ABCG1: variants seen among roughly 807,000 people sequenced by gnomAD.
The protein encoded by ABCG1 is ATP binding cassette subfamily G member 1.
ABCG1 carries 29 observed loss-of-function variants against 69.2 expected under a neutral mutation model. The observed-to-expected ratio is 0.42, with a 90% CI of 0.31 to 0.57. The LOEUF is 0.57. Among genes scored for constraint, ABCG1 ranks in the 20% least tolerant of loss-of-function variants. The pLI is 0.15. For synonymous variants in ABCG1, 370 were observed against 374.8 expected, an observed-to-expected ratio of 0.99 and a Z score of 0.15; for missense variants, 718 against 898.1, an observed-to-expected ratio of 0.80 and a Z score of 2.56.
chr21:42,236,020 T>C (rs546851918), intron 2 of ABCG1, among the ~76,000 whole-genome samples: 177 of 152,314 alleles, frequency 1.2e-3, no homozygotes, highest in African/African-American at 4.1e-3. Context: ...ACGTGCTGGT[T>C]TTGTTTTTAG....
At chr21:42,285,235 C>T (rs2068918218) in intron 7 of ABCG1, among the ~76,000 whole-genome samples, 1 of 152,132 alleles carries the variant, frequency 6.6e-6, no homozygotes, top group South Asian at 2.1e-4. Flanking sequence ...CAGTGGCTGT[C>T]CCCTGTAATC....
Position 42,290,128 on chromosome 21 carries a change from G to C in ABCG1, c.1303G>C (p.Glu435Gln), listed in dbSNP as rs780891600. 6.2e-7 allele frequency: 1 copy of C among 1,614,082 alleles called. No homozygotes were observed. Among genetic ancestry groups the C allele is most frequent in the Non-Finnish European group, 8.5e-7 (1 of 1,180,056 alleles). Residue 435 changes from glutamate to glutamine, a missense_variant, in exon 11 of 15, where the codon GAA becomes CAA. Physicochemically the swap from Glu to Gln is conservative, Grantham distance 29. Transcript: ENST00000398449. Reference protein sequence around the residue: ...IGLLYLGIGNEAKKVLSNSGF... With the variant: ...IGLLYLGIGNQAKKVLSNSGF... The stretch of plus-strand genomic sequence containing the variant: ...CCTGCTGTACTTGGGGATCGGGAAC[G>C]AAGCCAAGAAGGTCTTGAGCAACTC...
chr21:42,288,078 T>C lies in ABCG1; in HGVS notation c.1122+41T>C. The C allele has an allele frequency of 6.2e-7, 1 of 1,604,264 alleles. No homozygotes were observed. Among genetic ancestry groups the C allele is most frequent in the Non-Finnish European group, 8.5e-7 (1 of 1,172,450 alleles). Reference sequence around the variant, plus strand: ...CGATTAAAGGGGTTGAGAAAGGTAATGCAAATCCCGAAGCCCCCTGGGGGA... The same window carrying C: ...CGATTAAAGGGGTTGAGAAAGGTAACGCAAATCCCGAAGCCCCCTGGGGGA... On this transcript the variant is annotated intron_variant, in intron 9 of 14. Coordinates refer to ENST00000398449, the MANE Select transcript of ABCG1 (RefSeq NM_016818.3). The surrounding 1 kb of genome is among the most constrained non-coding windows in gnomAD (Gnocchi z 4.8).
Position 42,296,118 on chromosome 21 carries a change from G to A in ABCG1, c.1773-46G>A. On this transcript the variant is annotated intron_variant, in intron 14 of 14. Coordinates refer to ENST00000398449, the MANE Select transcript of ABCG1 (RefSeq NM_016818.3). The surrounding 1 kb of genome is among the most constrained non-coding windows in gnomAD (Gnocchi z 5.4). ...ACATTGACCTTCAGCCAACGGCGTG[G>A]CTGGCTGGGAGAACGTCCTCCCTCA... The A allele has an allele frequency of 6.5e-7, 1 of 1,548,812 alleles. No individual in the cohort carries two copies. The highest frequency in any genetic ancestry group is 8.9e-7 in the Non-Finnish European group (1 of 1,121,418).
chr21:42,256,057 C>T, intron 2 of ABCG1: 1 of 999,786 alleles, frequency 1.0e-6, no homozygotes, highest in Non-Finnish European at 1.3e-6. Context: ...AGTCAGGTGC[C>T]TTGACTTGGA....
intron 2 of ABCG1, among the ~76,000 whole-genome samples, chr21:42,204,480 A>G (rs963065312): frequency 9.9e-5 from 15 of 152,248 alleles, no homozygotes; most frequent in Non-Finnish European, 1.8e-4. Flanking sequence ...CTTTTTCTGC[A>G]TCAATTGGCA....
chr21:42,211,468 C>T (rs972945252), upstream of ABCG1, among the ~76,000 whole-genome samples: 1 of 152,102 alleles, frequency 6.6e-6, no homozygotes, highest in Admixed American at 6.5e-5. Flanking sequence ...CTTCCTTCCT[C>T]TCTCTGTCTC....
chr21:42,211,723 T>C (rs1175415437), upstream of ABCG1, among the ~76,000 whole-genome samples: 7 of 136,098 alleles, frequency 5.1e-5, no homozygotes, highest in Non-Finnish European at 1.1e-4. Flanking sequence ...CTACTAAAAA[T>C]ACAAAAAAAA....
At chr21:42,237,177 G>A (rs1342777575) in intron 2 of ABCG1, among the ~76,000 whole-genome samples, 1 of 152,206 alleles carries the variant, frequency 6.6e-6, no homozygotes, top group Non-Finnish European at 1.5e-5. Context: ...TCCCAGGGGC[G>A]TTCTGTGCTT....
chr21:42,277,019 G>A (rs941532888), intron 5 of ABCG1, 74 bp downstream of exon 5: 9 of 1,485,360 alleles, frequency 6.1e-6, no homozygotes, highest in Admixed American at 3.4e-5. Flanking sequence ...TGCCTGCCGG[G>A]GCATTTTGGC....
chr21:42,243,868 G>T, intron 2 of ABCG1, among the ~76,000 whole-genome samples: 1 of 142,816 alleles, frequency 7.0e-6, no homozygotes, highest in East Asian at 2.0e-4. Context: ...GCCCAGGCTG[G>T]AGTGCAGTGG....
In ABCG1 at chr21:42,288,861, G is replaced by C. The variant is rs2069000988; in HGVS notation, c.1224+549G>C. Among the ~76,000 whole-genome samples, 1 of 152,208 alleles carries C rather than the reference G, an allele frequency of 6.6e-6. No individual in the cohort carries two copies. The highest frequency in any genetic ancestry group is 2.4e-5 in the African/African-American group (1 of 41,442). The stretch of plus-strand genomic sequence containing the variant: ...GTTTAATTGGCTCATTGTTCTGCAG[G>C]CTGTGTAAGAAGCATGGCCGGGGAG... On this transcript the variant is annotated intron_variant, in intron 10 of 14. Transcript: ENST00000398449. This position sits in a 1 kb window ranked among gnomAD's most constrained non-coding sequence, Gnocchi z 4.8.
At chr21:42,201,965 G>C (rs540918423) in intron 2 of ABCG1, among the ~76,000 whole-genome samples, 25 of 152,310 alleles carry the variant, frequency 1.6e-4, no homozygotes, top group African/African-American at 4.6e-4. Flanking sequence ...CTGGGGACTT[G>C]AACTCTGCCC....
At chr21:42,215,657 C>T (rs151252576), upstream of ABCG1, among the ~76,000 whole-genome samples, 305 of 152,290 alleles carry the variant, frequency 2.0e-3, no homozygotes, top group African/African-American at 6.4e-3. Flanking sequence ...GCACCCATCC[C>T]GAGAAGGGGA....
Position 42,250,489 on chromosome 21 carries a change from G to A in ABCG1, c.287-20581G>A, listed in dbSNP as rs867338139. Reference sequence around the variant, plus strand: ...CAGCCGCATGCAGTGGTGCCCAAACGTGGAGGAGCACAGTCCAGCTAGCCT... The same window carrying A: ...CAGCCGCATGCAGTGGTGCCCAAACATGGAGGAGCACAGTCCAGCTAGCCT... On this transcript the variant is annotated intron_variant, in intron 2 of 14. Coordinates refer to ENST00000398449, the MANE Select transcript of ABCG1 (RefSeq NM_016818.3). Among the ~76,000 whole-genome samples the A allele has an allele frequency of 7.2e-5, 11 of 152,306 alleles. No individual in the cohort carries two copies. In the South Asian group the frequency reaches 1.2e-3, roughly 17 times the overall value.
chr21:42,228,895 C>T (rs1227554443), intron 2 of ABCG1, among the ~76,000 whole-genome samples: 1 of 152,254 alleles, frequency 6.6e-6, no homozygotes, highest in Non-Finnish European at 1.5e-5. Flanking sequence ...ATTTCCCCAA[C>T]CAAAAGCCAG....
intron 2 of ABCG1, among the ~76,000 whole-genome samples, chr21:42,254,510 A>G (rs1413360869): frequency 6.6e-6 from 1 of 152,174 alleles, no homozygotes; most frequent in Non-Finnish European, 1.5e-5. Context: ...TTTTGATGTT[A>G]TTAAGCCCAA....
chr21:42,280,936 A>C (rs933328335), intron 5 of ABCG1, among the ~76,000 whole-genome samples: 7 of 152,242 alleles, frequency 4.6e-5, no homozygotes, highest in South Asian at 2.1e-4. Flanking sequence ...GCCTTCCAGA[A>C]GCTGTTTCTG....
chr21:42,291,769 C>G lies in ABCG1; in HGVS notation c.1653+113C>G, dbSNP rs2069066263. The G allele has an allele frequency of 7.8e-7, 1 of 1,278,556 alleles. No individual in the cohort carries two copies. The highest frequency in any genetic ancestry group is 2.8e-5 in the Admixed American group (1 of 35,688). 79.2% of individuals were successfully genotyped at this position (1,278,556 alleles called of 1,614,324 possible). A position where few individuals can be genotyped will look rare whatever the true frequency, so the allele number is the denominator to read the frequency against. ...TTCCCCTACTTCTGCCCTGACCCTC[C>G]TAGATGGGGTCGTTCCCACGGGAAG... On this transcript the variant is annotated intron_variant, in intron 13 of 14. Coordinates refer to ENST00000398449, the MANE Select transcript of ABCG1 (RefSeq NM_016818.3). This position sits in a 1 kb window ranked among gnomAD's most constrained non-coding sequence, Gnocchi z 6.4.
Sources: allele counts gnomAD v4.1 joint callset (sites outside exome capture counted in the v4.1 genomes callset), GRCh38; gene constraint gnomAD v4.1.1; non-coding constraint Gnocchi (gnomAD v3.1); transcripts MANE v1.5; gene names NCBI Gene and HGNC (gene_info 2026-07-23, HGNC 2026-07-21).